The following ACYP2 variants were observed in gnomAD, a reference collection of about 807,000 sequenced individuals.
The protein encoded by ACYP2 is acylphosphatase-2.
ACYP2 carries 12 observed loss-of-function variants against 11.2 expected under a neutral mutation model. The observed-to-expected ratio is 1.08, with a 90% CI of 0.69 to 1.74. The LOEUF is 1.74. Ranked by LOEUF, ACYP2 falls within the 40% of genes most tolerant of loss-of-function variation. The pLI is 0.00. For synonymous variants in ACYP2, 43 were observed against 32.2 expected (o/e 1.33, Z -1.13); for missense variants, 134 against 101.9 (o/e 1.31, Z -1.35).
chr2:54,060,406 AATC>A (rs2103630451), intron 4 of ACYP2, among the ~76,000 whole-genome samples: 1 of 152,252 alleles, frequency 6.6e-6, no homozygotes, highest in Non-Finnish European at 1.5e-5. Flanking sequence ...TTTAAAAAAT[AATC>A]ATCTTCTTTT....
At chr2:53,983,113 G>A (rs1671851458) in intron 2 of ACYP2, among the ~76,000 whole-genome samples, 1 of 152,088 alleles carries the variant, frequency 6.6e-6, no homozygotes, top group Admixed American at 6.6e-5. Context: ...TAGAACAGGG[G>A]TACCTGGACT....
intron 6 of ACYP2, among the ~76,000 whole-genome samples, chr2:54,159,050 A>G (rs1309848573): frequency 1.3e-5 from 2 of 152,058 alleles, no homozygotes; most frequent in Admixed American, 6.6e-5. Context: ...TCTATATAGT[A>G]TATAGGCTTA....
At chr2:54,035,289 A>G (rs1246135421) in intron 2 of ACYP2, among the ~76,000 whole-genome samples, 1 of 138,226 alleles carries the variant, frequency 7.2e-6, no homozygotes, top group Non-Finnish European at 1.5e-5. Context: ...TTTTTGAGAC[A>G]GAGTCTCGCT....
intron 6 of ACYP2, among the ~76,000 whole-genome samples, chr2:54,173,889 A>T (rs1572889419): frequency 6.6e-6 from 1 of 152,242 alleles, no homozygotes; most frequent in South Asian, 2.1e-4. Flanking sequence ...CCATTGGTAT[A>T]TATCTCTGTT....
At chr2:54,030,901 A>G (rs1427960864) in intron 2 of ACYP2, among the ~76,000 whole-genome samples, 1 of 152,080 alleles carries the variant, frequency 6.6e-6, no homozygotes, top group African/African-American at 2.4e-5. Context: ...AAGCTCTCCA[A>G]CTTCCTTTTC....
In ACYP2 at chr2:54,243,741, T is replaced by C. The variant is rs572523200; in HGVS notation, c.405-60947T>C. 3.2e-4 allele frequency among the ~76,000 whole-genome samples: 48 copies of C among 151,968 alleles called. No individual in the cohort carries two copies. The South Asian group carries it at 9.3e-3, about 30-fold the overall frequency. ...CATGCCACCACGGCTGGTTAATTTT[T>C]GTATCTTTTTTTTAGTAGAGATGGG... is the stretch of plus-strand genomic sequence containing the variant. On this transcript the variant is annotated intron_variant, in intron 6 of 6. Coordinates refer to ENST00000607452, the MANE Select transcript of ACYP2 (RefSeq NM_001320586.2).
At chr2:54,159,477 A>C (rs999526480) in intron 6 of ACYP2, among the ~76,000 whole-genome samples, 1 of 151,364 alleles carries the variant, frequency 6.6e-6, no homozygotes, top group Non-Finnish European at 1.5e-5. Flanking sequence ...AAAAGTCCTG[A>C]GATTACAGGC....
At position 54,003,861 on chromosome 2, in the gene ACYP2, A is replaced by G. The variant is rs142498315; in HGVS notation, c.62+30051A>G. On this transcript the variant is annotated intron_variant, in intron 2 of 6. Transcript: ENST00000607452. ...CCATTTTGCATTCCTACTAGCAACA[A>G]TGAGAGTTTCTGTTGATCTAGCTCC... 3.3e-5 allele frequency among the ~76,000 whole-genome samples: 5 copies of G among 152,326 alleles called. No homozygotes were observed. The East Asian group carries it at 7.7e-4, about 23-fold the overall frequency.
chr2:54,163,603 C>G (rs916953688), intron 6 of ACYP2, among the ~76,000 whole-genome samples: 1 of 151,962 alleles, frequency 6.6e-6, no homozygotes, highest in African/African-American at 2.4e-5. Flanking sequence ...GCCCGTAATC[C>G]CAGCACTTTG....
At chr2:54,013,150 C>G (rs1402505765) in intron 2 of ACYP2, among the ~76,000 whole-genome samples, 3 of 150,962 alleles carry the variant, frequency 2.0e-5, no homozygotes, top group Non-Finnish European at 3.0e-5. Flanking sequence ...AAATTCAACT[C>G]TCCCCACCTG....
intron 6 of ACYP2, among the ~76,000 whole-genome samples, chr2:54,262,744 G>A (rs1687836747): frequency 6.6e-6 from 1 of 151,882 alleles, no homozygotes; most frequent in Non-Finnish European, 1.5e-5. Flanking sequence ...AACTTTTTAT[G>A]GATGGCAAAC....
intron 4 of ACYP2, among the ~76,000 whole-genome samples, chr2:54,093,313 A>C (rs1411384160): frequency 6.6e-6 from 1 of 152,280 alleles, no homozygotes; most frequent in African/African-American, 2.4e-5. Flanking sequence ...AACTAAAAGT[A>C]GAAATATTGA....
intron 4 of ACYP2, among the ~76,000 whole-genome samples, chr2:54,059,982 A>G (rs941608759): frequency 6.6e-6 from 1 of 152,188 alleles, no homozygotes; most frequent in African/African-American, 2.4e-5. Flanking sequence ...TCCTCTAGCA[A>G]TTCCAAGTTT....
At chr2:54,227,197 AGAGT>A (rs1686043773) in intron 6 of ACYP2, among the ~76,000 whole-genome samples, 1 of 152,226 alleles carries the variant, frequency 6.6e-6, no homozygotes, top group Non-Finnish European at 1.5e-5. Context: ...CTTTTGTCAA[AGAGT>A]GAGTAATAAG....
At chr2:53,999,775 T>C (rs772740964) in intron 2 of ACYP2, among the ~76,000 whole-genome samples, 5 of 152,178 alleles carry the variant, frequency 3.3e-5, no homozygotes, top group Non-Finnish European at 5.9e-5. Context: ...CCTGGCACCA[T>C]TAAAATACTT....
intron 6 of ACYP2, among the ~76,000 whole-genome samples, chr2:54,295,274 G>A (rs1001129177): frequency 2.0e-5 from 3 of 152,134 alleles, no homozygotes; most frequent in Admixed American, 6.5e-5. Context: ...GCTTCTATTC[G>A]GGTCATTAGG....
At chr2:54,175,075 T>A (rs1683384084) in intron 6 of ACYP2, among the ~76,000 whole-genome samples, 1 of 152,228 alleles carries the variant, frequency 6.6e-6, no homozygotes, top group African/African-American at 2.4e-5. Flanking sequence ...CCTCTTTTTC[T>A]ATTGATTAGA....
At chr2:54,138,785 A>G in intron 6 of ACYP2, 37 bp downstream of exon 3, 1 of 1,555,020 alleles carries the variant, frequency 6.4e-7, no homozygotes. Context: ...CATGAAATTT[A>G]TGAGGCTGCT....
Position 53,978,261 on chromosome 2 carries a change from C to CA in ACYP2, c.62+4468dup, listed in dbSNP as rs1273195454. On this transcript the variant is annotated intron_variant, in intron 2 of 6. Coordinates refer to ENST00000607452, the MANE Select transcript of ACYP2 (RefSeq NM_001320586.2). ...TGGGTGACAGAGTGAGACTCCATCT[C>CA]AAAAAAAAAAAAAAAAAGAACTTCT... Among the ~76,000 whole-genome samples, 469 of 55,762 alleles carry CA rather than the reference C, an allele frequency of 8.4e-3. 2 individuals are homozygous for CA. Among genetic ancestry groups the CA allele is most frequent in the East Asian group, 0.035 (65 of 1,864 alleles). 36.6% of individuals were successfully genotyped at this position (55,762 alleles called of 152,430 possible). A position where few individuals can be genotyped will look rare whatever the true frequency, so the allele number is the denominator to read the frequency against.
Sources: gnomAD v4.1 joint callset for allele counts (sites outside exome capture counted in the v4.1 genomes callset) on GRCh38, gnomAD v4.1.1 for gene constraint, MANE v1.5 for transcripts, NCBI Gene and HGNC (gene_info 2026-07-23, HGNC 2026-07-21) for gene names.